Variants in IFFO1 observed in about 807,000 individuals in gnomAD.
The protein encoded by IFFO1 is intermediate filament family orphan 1.
Under a neutral mutation model 59.6 loss-of-function variants are expected in IFFO1, and 42 were observed. That is an observed-to-expected ratio of 0.70 (90% CI 0.55 to 0.91). The LOEUF (loss-of-function observed/expected upper bound fraction) is 0.91, where lower values mean the gene tolerates loss of function less well. Among genes scored for constraint, IFFO1 ranks in the 40% least tolerant of loss-of-function variants. The pLI, the probability that IFFO1 is intolerant of heterozygous loss-of-function variation, is 0.00. For missense variants in IFFO1, 711 were observed against 793.2 expected (o/e 0.90, Z 1.24); for synonymous variants, 336 against 342.8 (o/e 0.98, Z 0.22).
At chr12:6,545,282 A>G (rs1335107283) in intron 8 of IFFO1, among the ~76,000 whole-genome samples, 2 of 152,216 alleles carry the variant, frequency 1.3e-5, no homozygotes, top group African/African-American at 4.8e-5. Flanking sequence ...CACTGGTTTC[A>G]CTTTCCACGG....
rs1555143821 is a variant in IFFO1 at position 6,541,034 on chromosome 12, A to AAG, written c.1611-447_1611-446insCT. On this transcript the variant is annotated intron_variant, in intron 9 of 9. Transcript: ENST00000619571. The surrounding 1 kb of genome is among the most constrained non-coding windows in gnomAD (Gnocchi z 4.8). The stretch of plus-strand genomic sequence containing the variant: ...GTTGTAGTGAGCCAAAAAAAAAAAA[A>AAG]AAAGAAATAGCTGAAGTCACAGTAG... Among the ~76,000 whole-genome samples, 199 of 151,764 alleles carry AAG rather than the reference A, an allele frequency of 1.3e-3. 1 individual carries two copies. The highest frequency in any genetic ancestry group is 4.3e-3 in the African/African-American group (178 of 41,320).
chr12:6,541,497 A>T lies in IFFO1; in HGVS notation c.1610+15T>A. ...TGTCCCCCTGGAAGGCCCCATGCCC[A>T]GGGGAGGCGCCTACCGGTCTCCAGA... On this transcript the variant is annotated intron_variant, in intron 9 of 9. Coordinates refer to ENST00000619571, the MANE Select transcript of IFFO1 (RefSeq NM_001193457.2). This position sits in a 1 kb window ranked among gnomAD's most constrained non-coding sequence, Gnocchi z 4.8. 1 of 1,612,818 alleles carries T rather than the reference A, an allele frequency of 6.2e-7. No homozygotes were observed. The highest frequency in any genetic ancestry group is 8.5e-7 in the Non-Finnish European group (1 of 1,179,940).
At chr12:6,550,507 C>G in intron 3 of IFFO1, 188 bp downstream of exon 3, 1 of 591,238 alleles carries the variant, frequency 1.7e-6, no homozygotes. Flanking sequence ...ACCTCTGTGA[C>G]GCAACACCGA....
rs921488649 is a variant in IFFO1 at position 6,550,012 on chromosome 12, G to A, written c.931-116C>T. ...ACATTGCACCGGTGCCTCTTCTGTGGAGTCTCCCTGAGCTGACTGCACCCC... is the reference window on the plus strand; with the variant it reads ...ACATTGCACCGGTGCCTCTTCTGTGAAGTCTCCCTGAGCTGACTGCACCCC... On this transcript the variant is annotated intron_variant, in intron 3 of 9. Coordinates refer to ENST00000619571, the MANE Select transcript of IFFO1 (RefSeq NM_001193457.2). 6.5e-5 allele frequency: 73 copies of A among 1,125,526 alleles called. 1 individual carries two copies. In the South Asian group the frequency reaches 1.1e-3, roughly 17 times the overall value. The allele number at this position is 1,125,526 out of a possible 1,614,324, so 69.7% of individuals were successfully genotyped here.
intron 1 of IFFO1, among the ~76,000 whole-genome samples, chr12:6,552,936 A>C (rs1947294552): frequency 6.6e-6 from 1 of 152,196 alleles, no homozygotes; most frequent in African/African-American, 2.4e-5. Context: ...TGGACCAAAT[A>C]TCTCTCTTCC....
At chr12:6,546,608 C>T (rs1946977089) in intron 8 of IFFO1, among the ~76,000 whole-genome samples, 1 of 152,142 alleles carries the variant, frequency 6.6e-6, no homozygotes, top group Non-Finnish European at 1.5e-5. Context: ...CTCAGCCTCC[C>T]GAGTAGCTGG....
rs952142356 is a variant in IFFO1, at chr12:6,540,561, C to T, written c.1638G>A (p.Pro546=). The part of the protein sequence containing the change: ...DRKSPAFTAV[P]LSDPPPPPSE... ...TTGGCGGCGGCGGCGGGTCGCTAAGCGGGACCGCAGTGAAAGCAGGAGACT... is the reference window on the plus strand; with the variant it reads ...TTGGCGGCGGCGGCGGGTCGCTAAGTGGGACCGCAGTGAAAGCAGGAGACT... Residue 546 remains proline, a synonymous_variant, in exon 10 of 10, where the codon CCG becomes CCA. Transcript: ENST00000619571. 9.9e-6 allele frequency: 16 copies of T among 1,613,712 alleles called. No homozygotes were observed. Among genetic ancestry groups the T allele is most frequent in the East Asian group, 2.2e-5 (1 of 44,896 alleles).
Position 6,549,358 on chromosome 12 carries a change from A to T in IFFO1, c.1080+118T>A. 1.1e-6 allele frequency: 1 copy of T among 910,540 alleles called. No individual in the cohort carries two copies. Among genetic ancestry groups the T allele is most frequent in the Non-Finnish European group, 1.8e-6 (1 of 564,008 alleles). 56.4% of individuals were successfully genotyped at this position (910,540 alleles called of 1,614,324 possible). ...AGGGGGAAGAGCAAGGAAAAGGGAA[A>T]GGGCAGAAAAAAATCCGTGCTCAAG... On this transcript the variant is annotated intron_variant, in intron 5 of 9. Transcript: ENST00000619571. This position sits in a 1 kb window ranked among gnomAD's most constrained non-coding sequence, Gnocchi z 5.0.
Position 6,541,618 on chromosome 12 carries a change from C to A in IFFO1, c.1504G>T (p.Asp502Tyr). The A allele has an allele frequency of 3.7e-6, 6 of 1,614,112 alleles. No individual in the cohort carries two copies. ...IELELATAKNDMNRHLHEYME... is the reference protein window; with the variant it reads ...IELELATAKNYMNRHLHEYME... The stretch of plus-strand genomic sequence containing the variant: ...TACTCGTGCAGGTGCCGGTTCATGT[C>A]GTTCTTGGCCGTGGCCAACTCCAGC... The change falls in exon 9 of 10, where the codon GAC becomes TAC. Residue 502 changes from aspartate (D) to tyrosine (Y), a missense_variant. Transcript: ENST00000619571. This position sits in a 1 kb window ranked among gnomAD's most constrained non-coding sequence, Gnocchi z 4.8.
rs1946693793 is a variant in IFFO1 at position 6,541,147 on chromosome 12, ACTTT to A, written c.1610+361_1610+364del. Among the ~76,000 whole-genome samples the A allele has an allele frequency of 6.6e-6, 1 of 151,996 alleles. No individual in the cohort carries two copies. Among genetic ancestry groups the A allele is most frequent in the Non-Finnish European group, 1.5e-5 (1 of 68,002 alleles). ...GTATTTTTGTGATTTTTAAAAATTCACTTTCTTGTTGCGGTGTAACTTACACAGG... is the reference window on the plus strand; with the variant it reads ...GTATTTTTGTGATTTTTAAAAATTCACTTGTTGCGGTGTAACTTACACAGG... On this transcript the variant is annotated intron_variant, in intron 9 of 9. Coordinates refer to ENST00000619571, the MANE Select transcript of IFFO1 (RefSeq NM_001193457.2). The surrounding 1 kb of genome is among the most constrained non-coding windows in gnomAD (Gnocchi z 4.8).
chr12:6,556,037 C>T lies in IFFO1; in HGVS notation c.-8G>A, dbSNP rs1185510048. 1.3e-6 allele frequency: 2 copies of T among 1,573,860 alleles called. No individual in the cohort carries two copies. Among genetic ancestry groups the T allele is most frequent in the Non-Finnish European group, 8.6e-7 (1 of 1,168,414 alleles). On this transcript the variant is annotated 5_prime_UTR_variant, in exon 1 of 10. Coordinates refer to ENST00000619571, the MANE Select transcript of IFFO1 (RefSeq NM_001193457.2). The stretch of plus-strand genomic sequence containing the variant: ...GCCGAATAACGGATTCATGGCTGCG[C>T]CTTCTGCTGGGAGATGCAGACCGGT...
chr12:6,549,514 G>C lies in IFFO1; in HGVS notation c.1072-30C>G. The C allele has an allele frequency of 1.3e-6, 2 of 1,590,336 alleles. No individual in the cohort carries two copies. Among genetic ancestry groups the C allele is most frequent in the Non-Finnish European group, 1.7e-6 (2 of 1,158,496 alleles). Reference sequence around the variant, plus strand: ...GGAGGAAGCAAGAGAGAAGATGAGAGGAAGAGAGGAGAGGAAGCAGACAGA... The same window carrying C: ...GGAGGAAGCAAGAGAGAAGATGAGACGAAGAGAGGAGAGGAAGCAGACAGA... On this transcript the variant is annotated intron_variant, in intron 4 of 9. Transcript: ENST00000619571. The surrounding 1 kb of genome is among the most constrained non-coding windows in gnomAD (Gnocchi z 5.0).
At chr12:6,551,460 C>A (rs754019028) in intron 1 of IFFO1, 1 of 1,293,784 alleles carries the variant, frequency 7.7e-7, no homozygotes, top group Non-Finnish European at 1.0e-6. Context: ...TCGTCGAGCC[C>A]GCTGCCCTGC....
In IFFO1 at chr12:6,548,245, G is replaced by C. The variant is rs1218307683; in HGVS notation, c.1384-85C>G. 13 of 1,360,520 alleles carry C rather than the reference G, an allele frequency of 9.6e-6. No individual in the cohort carries two copies. The highest frequency in any genetic ancestry group is 3.5e-4 in the Middle Eastern group (2 of 5,636). 84.3% of individuals were successfully genotyped at this position (1,360,520 alleles called of 1,614,324 possible). ...CAAAGGGCCAAGTCAGGGAGAGAGA[G>C]AGAGAGGAAGTCTGGTTAAAGAAAC... On this transcript the variant is annotated intron_variant, in intron 7 of 9. Transcript: ENST00000619571. The surrounding 1 kb of genome is among the most constrained non-coding windows in gnomAD (Gnocchi z 6.1).
At chr12:6,546,577 G>A (rs1399935401) in intron 8 of IFFO1, among the ~76,000 whole-genome samples, 5 of 152,256 alleles carry the variant, frequency 3.3e-5, no homozygotes, top group South Asian at 2.1e-4. Context: ...TCCGCCTCCC[G>A]GGTTCACGCC....
Position 6,548,219 on chromosome 12 carries a change from C to G in IFFO1, c.1384-59G>C, listed in dbSNP as rs1033635020. 4 of 1,445,764 alleles carry G rather than the reference C, an allele frequency of 2.8e-6. No individual in the cohort carries two copies. The Admixed American group carries it at 6.7e-5, about 24-fold the overall frequency. 89.6% of individuals were successfully genotyped at this position (1,445,764 alleles called of 1,614,324 possible). ...AAGGAGGGATGGGATGGGACGCATT[C>G]CAAAGGGCCAAGTCAGGGAGAGAGA... On this transcript the variant is annotated intron_variant, in intron 7 of 9. Coordinates refer to ENST00000619571, the MANE Select transcript of IFFO1 (RefSeq NM_001193457.2). This position sits in a 1 kb window ranked among gnomAD's most constrained non-coding sequence, Gnocchi z 6.1.
intron 8 of IFFO1, among the ~76,000 whole-genome samples, chr12:6,547,708 A>C (rs1256707266): frequency 1.4e-5 from 2 of 144,178 alleles, no homozygotes; most frequent in African/African-American, 5.0e-5. Context: ...AAGACAAGGG[A>C]GAGAGGGAGG....
chr12:6,555,269 T>C lies in IFFO1; in HGVS notation c.761A>G (p.Glu254Gly). The C allele has an allele frequency of 6.2e-7, 1 of 1,614,110 alleles. No individual in the cohort carries two copies. The highest frequency in any genetic ancestry group is 8.5e-7 in the Non-Finnish European group (1 of 1,180,008). The change falls in exon 1 of 10, where the codon GAG becomes GGG. Residue 254 changes from glutamate (E) to glycine (G), a missense_variant. Glu to Gly is a moderately conservative substitution (Grantham distance 98). This residue lies in a region of IFFO1 where 579 missense variants were observed against 650.3 expected (regional missense o/e 0.89). Transcript: ENST00000619571. This position sits in a 1 kb window ranked among gnomAD's most constrained non-coding sequence, Gnocchi z 8.6. Reference sequence around the variant, plus strand: ...TCCCAATCCCTACCTCCGCTTGTACTCGTCCCGCTCCCGCTTCACTTTGGC... The same window carrying C: ...TCCCAATCCCTACCTCCGCTTGTACCCGTCCCGCTCCCGCTTCACTTTGGC... Reference protein sequence around the residue: ...VLAKVKRERDEYKRRWEEEYT... With the variant: ...VLAKVKRERDGYKRRWEEEYT...
In IFFO1 at chr12:6,541,075, G is replaced by A. The variant is rs143862286; in HGVS notation, c.1610+437C>T. Among the ~76,000 whole-genome samples the A allele has an allele frequency of 5.3e-3, 798 of 151,500 alleles. 13 individuals are homozygous for A. Among genetic ancestry groups the A allele is most frequent in the East Asian group, 0.038 (194 of 5,140 alleles). Reference sequence around the variant, plus strand: ...GTCACAGTAGGAGAGAAGCTGCTGAGCCTCCAGCACCCTGACTCTAGGGCC... The same window carrying A: ...GTCACAGTAGGAGAGAAGCTGCTGAACCTCCAGCACCCTGACTCTAGGGCC... On this transcript the variant is annotated intron_variant, in intron 9 of 9. Transcript: ENST00000619571. This position sits in a 1 kb window ranked among gnomAD's most constrained non-coding sequence, Gnocchi z 4.8.
Sources: allele counts gnomAD v4.1 joint callset (sites outside exome capture counted in the v4.1 genomes callset), GRCh38; gene constraint gnomAD v4.1.1; regional missense constraint gnomAD v4.1.1; non-coding constraint Gnocchi (gnomAD v3.1); transcripts MANE v1.5; gene names NCBI Gene and HGNC (gene_info 2026-07-23, HGNC 2026-07-21).